The following TP63 variants were observed in gnomAD, a reference collection of about 807,000 sequenced individuals.
The protein encoded by TP63 is tumor protein 63.
A neutral mutation model predicts 82.8 loss-of-function variants in TP63; 17 were observed. That is an observed-to-expected ratio of 0.21 (90% CI 0.14 to 0.31). The LOEUF (loss-of-function observed/expected upper bound fraction) is 0.31. Ranked by LOEUF, TP63 falls within the 10% of genes least tolerant of loss-of-function variation. The pLI, the probability that TP63 is intolerant of heterozygous loss-of-function variation, is 1.00. For missense variants in TP63, 648 were observed against 895.3 expected, an observed-to-expected ratio of 0.72 and a Z score of 3.52; for synonymous variants, 330 against 321.7, an observed-to-expected ratio of 1.03 and a Z score of -0.28.
chr3:189,856,139 G>T (rs541323427), intron 4 of TP63, among the ~76,000 whole-genome samples: 2 of 151,614 alleles, frequency 1.3e-5, no homozygotes, highest in East Asian at 3.9e-4. Flanking sequence ...GAGATATAAG[G>T]TAACCCTGGG....
chr3:189,812,540 T>A (rs1232019761), intron 4 of TP63, among the ~76,000 whole-genome samples: 4 of 152,236 alleles, frequency 2.6e-5, no homozygotes, highest in African/African-American at 9.6e-5. Context: ...AGTGTGGAGA[T>A]GGCAAGAAAC....
At chr3:189,734,686 C>T (rs981262539) in intron 1 of TP63, among the ~76,000 whole-genome samples, 5 of 152,240 alleles carry the variant, frequency 3.3e-5, no homozygotes, top group South Asian at 4.1e-4. Flanking sequence ...TCAAGAAAAT[C>T]GAAGTCATCA....
intron 10 of TP63, among the ~76,000 whole-genome samples, chr3:189,885,263 T>G (rs1720325539): frequency 6.6e-6 from 1 of 151,926 alleles, no homozygotes; most frequent in Non-Finnish European, 1.5e-5. Context: ...TGTACATTTC[T>G]TCCTCATCTT....
Position 189,689,098 on chromosome 3 carries a change from CTTTTTCTTT to C in TP63, c.63-48636_63-48628del, listed in dbSNP as rs1481774596. Among the ~76,000 whole-genome samples, 89 of 85,132 alleles carry C rather than the reference CTTTTTCTTT, an allele frequency of 1.0e-3. 13 individuals are homozygous for C. Among genetic ancestry groups the C allele is most frequent in the East Asian group, 1.9e-3 (4 of 2,098 alleles). The allele number at this position is 85,132 out of a possible 152,430, so 55.8% of individuals were successfully genotyped here. ...CAGAGTGGCCAGCATTCAAATCTAC[CTTTTTCTTT>C]TTTTTTTTTTTTTTTTTTTTTTTTT... On this transcript the variant is annotated intron_variant, in intron 1 of 13. Transcript: ENST00000264731.
chr3:189,660,814 G>T (rs529037381), intron 1 of TP63, among the ~76,000 whole-genome samples: 1 of 145,990 alleles, frequency 6.8e-6, no homozygotes, highest in Admixed American at 7.1e-5. Context: ...GTATTTTTGT[G>T]TGTGTTCCTA....
At chr3:189,748,219 T>G (rs578096864) in intron 3 of TP63, among the ~76,000 whole-genome samples, 1 of 151,900 alleles carries the variant, frequency 6.6e-6, no homozygotes, top group South Asian at 2.1e-4. Flanking sequence ...GAGAAAGAAA[T>G]AAAAGGCATG....
chr3:189,814,417 G>T (rs746932752), intron 4 of TP63, among the ~76,000 whole-genome samples: 19 of 152,144 alleles, frequency 1.2e-4, no homozygotes, highest in Non-Finnish European at 2.6e-4. Flanking sequence ...TATTGGTGAG[G>T]GGCAGAAGTC....
chr3:189,675,009 T>G (rs1715267857), intron 1 of TP63, among the ~76,000 whole-genome samples: 1 of 152,118 alleles, frequency 6.6e-6, no homozygotes, highest in Admixed American at 6.6e-5. Flanking sequence ...ATCAACTAGT[T>G]AGCTTATAGA....
chr3:189,729,304 G>A (rs924129856), intron 1 of TP63, among the ~76,000 whole-genome samples: 3 of 152,172 alleles, frequency 2.0e-5, no homozygotes, highest in African/African-American at 7.2e-5. Context: ...TGACTGCCAA[G>A]TTTGGGCTAA....
chr3:189,818,924 T>C (rs1199934523), intron 4 of TP63, among the ~76,000 whole-genome samples: 1 of 152,188 alleles, frequency 6.6e-6, no homozygotes, highest in Non-Finnish European at 1.5e-5. Context: ...TTTGAGAACA[T>C]GATTTATGTG....
chr3:189,658,914 A>T (rs539999364), intron 1 of TP63, among the ~76,000 whole-genome samples: 1 of 152,134 alleles, frequency 6.6e-6, no homozygotes, highest in South Asian at 2.1e-4. Flanking sequence ...GTATTGGTTC[A>T]TTAATTGTGA....
intron 4 of TP63, among the ~76,000 whole-genome samples, chr3:189,839,820 T>G (rs1713714297): frequency 6.6e-6 from 1 of 152,174 alleles, no homozygotes; most frequent in Non-Finnish European, 1.5e-5. Context: ...ATCTCAGCCT[T>G]GAAATGAGTC....
At chr3:189,627,581 G>A (rs1729348391), upstream of TP63, among the ~76,000 whole-genome samples, 1 of 152,132 alleles carries the variant, frequency 6.6e-6, no homozygotes, top group South Asian at 2.1e-4. Context: ...AGTAGCGTTA[G>A]CCACATGTAA....
the TP63 span, among the ~76,000 whole-genome samples, chr3:189,619,476 T>C: frequency 3.9e-5 from 6 of 152,228 alleles, no homozygotes; most frequent in African/African-American, 1.4e-4. Context: ...TCTAGAGCTC[T>C]CTGACTCTAA....
At chr3:189,856,836 C>A (rs1233701780) in intron 4 of TP63, among the ~76,000 whole-genome samples, 1 of 151,984 alleles carries the variant, frequency 6.6e-6, no homozygotes, top group African/African-American at 2.4e-5. Flanking sequence ...AGTATTTATA[C>A]ACTGAAAACT....
intron 1 of TP63, among the ~76,000 whole-genome samples, chr3:189,698,430 G>C (rs985273065): frequency 5.9e-5 from 9 of 151,992 alleles, no homozygotes; most frequent in Non-Finnish European, 1.0e-4. Flanking sequence ...CTCAATTAGA[G>C]GTGGCAATCA....
At chr3:189,786,757 G>A (rs962622387) in intron 3 of TP63, among the ~76,000 whole-genome samples, 2 of 152,018 alleles carry the variant, frequency 1.3e-5, no homozygotes, top group Non-Finnish European at 2.9e-5. Flanking sequence ...GCTCTAAATA[G>A]AGTTGTTCTA....
chr3:189,655,423 G>A (rs1038294719), intron 1 of TP63, among the ~76,000 whole-genome samples: 2 of 152,072 alleles, frequency 1.3e-5, no homozygotes, highest in Non-Finnish European at 2.9e-5. Context: ...TCAAGAGTTC[G>A]AGGCCAGGCT....
intron 5 of TP63, among the ~76,000 whole-genome samples, chr3:189,865,883 A>AT (rs1157575889): frequency 1.3e-5 from 2 of 152,256 alleles, no homozygotes; most frequent in Non-Finnish European, 2.9e-5. Context: ...TTTTTTAAAC[A>AT]TAAAAATTGT....
Sources: allele counts gnomAD v4.1 joint callset (sites outside exome capture counted in the v4.1 genomes callset), GRCh38; gene constraint gnomAD v4.1.1; transcripts MANE v1.5; gene names NCBI Gene and HGNC (gene_info 2026-07-23, HGNC 2026-07-21).